PCDHGB2: variants seen among roughly 807,000 people sequenced by gnomAD.
PCDHGB2 encodes protocadherin gamma subfamily B, 2.
Under a neutral mutation model 59.3 loss-of-function variants are expected in PCDHGB2, and 55 were observed. That is an observed-to-expected ratio of 0.93 (90% CI 0.75 to 1.16). The LOEUF is 1.16. Among genes scored for constraint, PCDHGB2 ranks in the 50% most tolerant of loss-of-function variants. The pLI is 0.00. For missense variants in PCDHGB2, 1,228 were observed against 1,198.5 expected (o/e 1.02, Z -0.36); for synonymous variants, 516 against 512.0 (o/e 1.01, Z -0.11).
chr5:141,461,389 G>T (rs2099014363), intron 1 of PCDHGB2, among the ~76,000 whole-genome samples: 1 of 152,110 alleles, frequency 6.6e-6, no homozygotes. Context: ...CTGATGATTA[G>T]CGATGTTGAG....
In PCDHGB2 at chr5:141,408,945, G is replaced by A. The variant is rs1176579339; in HGVS notation, c.2421+46389G>A. 21 of 1,613,590 alleles carry A rather than the reference G, an allele frequency of 1.3e-5. No individual in the cohort carries two copies. In the East Asian group the frequency reaches 4.7e-4, roughly 36 times the overall value. Reference sequence around the variant, plus strand: ...CCGGTTTTCAGCAGAGACGAATATAGAATTAGTCTTAGTGAAAATCTGCCC... The same window carrying A: ...CCGGTTTTCAGCAGAGACGAATATAAAATTAGTCTTAGTGAAAATCTGCCC... On this transcript the variant is annotated intron_variant, in intron 1 of 3. Coordinates refer to ENST00000522605, the MANE Select transcript of PCDHGB2 (RefSeq NM_018923.3).
In PCDHGB2 at chr5:141,486,128, G is replaced by C. The variant is rs1447222839; in HGVS notation, c.2422-8679G>C. ...TGAGAGTGAGAATTACTATGAATTT[G>C]ATGTGCGGGCTCGCGATGGGGGTTC... is the stretch of plus-strand genomic sequence containing the variant. On this transcript the variant is annotated intron_variant, in intron 1 of 3. Transcript: ENST00000522605. This position sits in a 1 kb window ranked among gnomAD's most constrained non-coding sequence, Gnocchi z 5.0. 6.2e-7 allele frequency: 1 copy of C among 1,614,066 alleles called. No homozygotes were observed. Among genetic ancestry groups the C allele is most frequent in the Non-Finnish European group, 8.5e-7 (1 of 1,180,034 alleles).
chr5:141,419,276 C>G (rs1361651445), intron 1 of PCDHGB2: 1 of 1,613,920 alleles, frequency 6.2e-7, no homozygotes, highest in African/African-American at 1.3e-5. Flanking sequence ...CTCCATAGCG[C>G]AAGTCAGTGC....
intron 1 of PCDHGB2, chr5:141,427,265 C>T (rs767369457): frequency 6.1e-5 from 28 of 456,570 alleles, no homozygotes; most frequent in Non-Finnish European, 1.1e-4. Context: ...GCATGACCAG[C>T]GAATGTAAAA....
chr5:141,509,864 A>G (rs2099878667), intron 3 of PCDHGB2, among the ~76,000 whole-genome samples: 1 of 152,262 alleles, frequency 6.6e-6, no homozygotes, highest in East Asian at 1.9e-4. Context: ...GATAAGGTCC[A>G]AGCTGCTGGT....
chr5:141,502,866 CTTTT>C (rs549047197), intron 2 of PCDHGB2, among the ~76,000 whole-genome samples: 1 of 128,042 alleles, frequency 7.8e-6, no homozygotes. Context: ...GACTCTCTGT[CTTTT>C]TTTTTTTTTT....
intron 1 of PCDHGB2, chr5:141,441,116 C>G (rs1358636787): frequency 3.3e-5 from 5 of 152,156 alleles, no homozygotes; most frequent in Non-Finnish European, 7.3e-5. Context: ...GTCCAGTGTA[C>G]AGTTGAGACC....
At chr5:141,469,721 A>G (rs1238006043) in intron 1 of PCDHGB2, among the ~76,000 whole-genome samples, 5 of 152,270 alleles carry the variant, frequency 3.3e-5, no homozygotes, top group African/African-American at 1.2e-4. Context: ...TTAGGAATTT[A>G]TCATAAATAC....
Position 141,453,292 on chromosome 5 carries a change from T to A in PCDHGB2, c.2422-41515T>A, listed in dbSNP as rs141563552. The stretch of plus-strand genomic sequence containing the variant: ...CCATGACTGGCTAATTTTTTAATTA[T>A]TTATTTATTTATTTATTTATTTTAG... On this transcript the variant is annotated intron_variant, in intron 1 of 3. Transcript: ENST00000522605. Among the ~76,000 whole-genome samples, 253 of 151,810 alleles carry A rather than the reference T, an allele frequency of 1.7e-3. 1 individual carries two copies. The highest frequency in any genetic ancestry group is 2.6e-3 in the Non-Finnish European group (178 of 67,938).
At position 141,360,064 on chromosome 5, in the gene PCDHGB2, C is replaced by T. The variant is rs769109998; in HGVS notation, c.-72C>T. ...CAGAAAACAAAAGCAGGAAAAGTGA[C>T]CTTAGCCCGGATTCTGCCATCCCCG... On this transcript the variant is annotated 5_prime_UTR_variant, in exon 1 of 4. Coordinates refer to ENST00000522605, the MANE Select transcript of PCDHGB2 (RefSeq NM_018923.3). The T allele has an allele frequency of 1.2e-5, 18 of 1,462,328 alleles. No homozygotes were observed. The highest frequency in any genetic ancestry group is 1.5e-5 in the Non-Finnish European group (17 of 1,103,978). The allele number at this position is 1,462,328 out of a possible 1,614,324, so 90.6% of individuals were successfully genotyped here. A position where few individuals can be genotyped will look rare whatever the true frequency, so the allele number is the denominator to read the frequency against.
chr5:141,399,427 G>A (rs1049477252), intron 1 of PCDHGB2: 2 of 1,613,842 alleles, frequency 1.2e-6, no homozygotes, highest in African/African-American at 2.7e-5. Context: ...CAGCATAAGC[G>A]TCATCCTACA....
intron 1 of PCDHGB2, among the ~76,000 whole-genome samples, chr5:141,465,545 C>T (rs2099105349): frequency 6.6e-6 from 1 of 152,146 alleles, no homozygotes; most frequent in South Asian, 2.1e-4. Context: ...GGCATTTTTT[C>T]TGCTGAAGCT....
At chr5:141,377,549 T>G (rs962793950) in intron 1 of PCDHGB2, 3 of 152,038 alleles carry the variant, frequency 2.0e-5, no homozygotes, top group African/African-American at 7.2e-5. Context: ...TGAGATATAA[T>G]TGTGTCACTG....
chr5:141,398,369 G>A (rs889057054), intron 1 of PCDHGB2: 2 of 1,428,778 alleles, frequency 1.4e-6, no homozygotes, highest in African/African-American at 2.9e-5. Context: ...AGCGCAGAGA[G>A]CGGGGAGTTG....
Position 141,410,441 on chromosome 5 carries a change from A to T in PCDHGB2, c.2421+47885A>T. ...AGTTCCCCCCAACTACAGTGAGGGGACTTTGCCTTATTCTTATAATCTGTG... is the reference window on the plus strand; with the variant it reads ...AGTTCCCCCCAACTACAGTGAGGGGTCTTTGCCTTATTCTTATAATCTGTG... On this transcript the variant is annotated intron_variant, in intron 1 of 3. Transcript: ENST00000522605. 2 of 1,613,946 alleles carry T rather than the reference A, an allele frequency of 1.2e-6. 1 individual carries two copies. The highest frequency in any genetic ancestry group is 2.2e-5 in the South Asian group (2 of 91,074).
chr5:141,399,300 C>T (rs985419238), intron 1 of PCDHGB2: 3 of 1,613,792 alleles, frequency 1.9e-6, no homozygotes, highest in Non-Finnish European at 2.5e-6. Flanking sequence ...TTAAGATTAT[C>T]TCTTCATCCA....
At chr5:141,414,064 C>T in intron 1 of PCDHGB2, 1 of 1,607,864 alleles carries the variant, frequency 6.2e-7, no homozygotes, top group Non-Finnish European at 8.5e-7. Context: ...GTTGAAGTTC[C>T]AACTAAACAA....
chr5:141,456,463 G>A (rs1195450847), intron 1 of PCDHGB2, among the ~76,000 whole-genome samples: 1 of 152,122 alleles, frequency 6.6e-6, no homozygotes, highest in Non-Finnish European at 1.5e-5. Context: ...ATCAATACAA[G>A]ACATATAAGC....
chr5:141,492,359 C>A (rs1292383129), intron 1 of PCDHGB2, among the ~76,000 whole-genome samples: 3 of 152,336 alleles, frequency 2.0e-5, no homozygotes, highest in African/African-American at 7.2e-5. Flanking sequence ...GCCACTCGCT[C>A]GCGGCCAGAT....
Sources: gnomAD v4.1 joint callset for allele counts (sites outside exome capture counted in the v4.1 genomes callset) on GRCh38, gnomAD v4.1.1 for gene constraint, Gnocchi (gnomAD v3.1) non-coding constraint, MANE v1.5 for transcripts, NCBI Gene and HGNC (gene_info 2026-07-23, HGNC 2026-07-21) for gene names.